ZYG11B: variants seen among roughly 807,000 people sequenced by gnomAD.
The protein encoded by ZYG11B is protein zyg-11 homolog B.
ZYG11B carries 36 observed loss-of-function variants against 82.4 expected under a neutral mutation model. The ratio of observed to expected loss-of-function variants is 0.44; its 90% confidence interval spans 0.33 to 0.58. The LOEUF (loss-of-function observed/expected upper bound fraction) is 0.58, where lower values mean the gene tolerates loss of function less well. Among genes scored for constraint, ZYG11B ranks in the 20% least tolerant of loss-of-function variants. The pLI, the probability that ZYG11B is intolerant of heterozygous loss-of-function variation, is 0.02. For synonymous variants in ZYG11B, 303 were observed against 312.8 expected, an observed-to-expected ratio of 0.97 and a Z score of 0.33; for missense variants, 552 against 895.6, an observed-to-expected ratio of 0.62 and a Z score of 4.90.
intron 5 of ZYG11B, among the ~76,000 whole-genome samples, chr1:52,787,841 C>A (rs1211006067): frequency 1.3e-5 from 2 of 150,330 alleles, no homozygotes. Context: ...GTTGGAAATG[C>A]AAATACTGTA....
chr1:52,751,264 C>T (rs954379586), intron 1 of ZYG11B, among the ~76,000 whole-genome samples: 1 of 150,782 alleles, frequency 6.6e-6, no homozygotes, highest in African/African-American at 2.4e-5. Context: ...ATCACGCCCA[C>T]CCCATCCCAC....
At chr1:52,747,945 T>A (rs530173820) in intron 1 of ZYG11B, among the ~76,000 whole-genome samples, 1 of 152,304 alleles carries the variant, frequency 6.6e-6, no homozygotes, top group Admixed American at 6.5e-5. Context: ...ATTTATAGAA[T>A]TCTTATGAGA....
intron 1 of ZYG11B, among the ~76,000 whole-genome samples, chr1:52,739,134 C>T (rs1355976480): frequency 6.6e-6 from 1 of 151,510 alleles, no homozygotes; most frequent in African/African-American, 2.4e-5. Flanking sequence ...TTACAGTTAC[C>T]CCTCACCACG....
At chr1:52,801,016 T>C (rs1645072033) in intron 8 of ZYG11B, among the ~76,000 whole-genome samples, 1 of 152,200 alleles carries the variant, frequency 6.6e-6, no homozygotes, top group South Asian at 2.1e-4. Context: ...TTATGTAGTT[T>C]TAAAACCACT....
At chr1:52,805,199 T>C (rs933107020) in intron 10 of ZYG11B, 1 of 268,528 alleles carries the variant, frequency 3.7e-6, no homozygotes, top group African/African-American at 2.2e-5. Context: ...GTATATATGC[T>C]GTCAAGTGAG....
chr1:52,747,090 G>A (rs1644484074), intron 1 of ZYG11B, among the ~76,000 whole-genome samples: 1 of 151,868 alleles, frequency 6.6e-6, no homozygotes, highest in East Asian at 1.9e-4. Flanking sequence ...TAGTATAGAA[G>A]TTCTACAAGA....
intron 2 of ZYG11B, among the ~76,000 whole-genome samples, chr1:52,770,145 G>A (rs535804496): frequency 6.8e-6 from 1 of 146,366 alleles, no homozygotes; most frequent in African/African-American, 2.5e-5. Context: ...AGGCTGGTGT[G>A]CAATGGTGCA....
At chr1:52,795,640 TCTTA>T (rs1399587121) in intron 6 of ZYG11B, among the ~76,000 whole-genome samples, 2 of 152,274 alleles carry the variant, frequency 1.3e-5, no homozygotes, top group East Asian at 3.9e-4. Context: ...TATGGTTCTT[TCTTA>T]CTTCCTCAAA....
intron 7 of ZYG11B, 134 bp downstream of exon 7, chr1:52,796,525 T>C (rs1239913241): frequency 8.6e-6 from 8 of 932,584 alleles, no homozygotes; most frequent in Non-Finnish European, 9.8e-6. Context: ...CTACATTCGA[T>C]ATTGCAGAAT....
rs1451390195 is a variant in ZYG11B at position 52,735,597 on chromosome 1, C to T, written c.30+8914C>T. Among the ~76,000 whole-genome samples the T allele has an allele frequency of 5.3e-5, 8 of 152,100 alleles. No individual in the cohort carries two copies. The East Asian group carries it at 1.2e-3, about 22-fold the overall frequency. ...TGCCACCCAGACTGGAGTGCAGTGG[C>T]GCGATCTCGGCTCACTGCAGCCTCC... On this transcript the variant is annotated intron_variant, in intron 1 of 13. Transcript: ENST00000294353.
In ZYG11B at chr1:52,774,609, A is replaced by AT. The variant is rs35043109; in HGVS notation, c.951+2861dup. The stretch of plus-strand genomic sequence containing the variant: ...GGCGTGAGCCACTGTGCCTGGCCTA[A>AT]TTTTTTTTTTTTTTTTTTTTTTTTT... On this transcript the variant is annotated intron_variant, in intron 3 of 13. Coordinates refer to ENST00000294353, the MANE Select transcript of ZYG11B (RefSeq NM_024646.3). Among the ~76,000 whole-genome samples the AT allele has an allele frequency of 5.7e-3, 630 of 111,104 alleles. 16 individuals carry two copies. Among genetic ancestry groups the AT allele is most frequent in the Middle Eastern group, 0.013 (2 of 158 alleles). The allele number at this position is 111,104 out of a possible 152,430, so 72.9% of individuals were successfully genotyped here.
Position 52,825,375 on chromosome 1 carries a change from C to G in ZYG11B, c.*3746C>G, listed in dbSNP as rs1298254184. On this transcript the variant is annotated 3_prime_UTR_variant, in exon 14 of 14. Transcript: ENST00000294353. ...ATTTTTAAAAAGCATATCAGACCCC[C>G]AGTTTCAGGAATTGAGTATAAATAT... The G allele has an allele frequency of 6.6e-6, 1 of 152,072 alleles. No homozygotes were observed. The highest frequency in any genetic ancestry group is 2.4e-5 in the African/African-American group (1 of 41,418). The allele number at this position is 152,072 out of a possible 1,614,324, so 9.4% of individuals were successfully genotyped here.
At chr1:52,797,468 T>TATTATATATGATATATAATATAA (rs1553262205) in intron 8 of ZYG11B, among the ~76,000 whole-genome samples, 1 of 110,562 alleles carries the variant, frequency 9.0e-6, no homozygotes, top group East Asian at 2.6e-4. Flanking sequence ...ATGATATATA[T>TATTATATATGATATATAATATAA]ATTATATATG....
At chr1:52,821,054 T>G (rs1007837734) in intron 13 of ZYG11B, among the ~76,000 whole-genome samples, 1 of 149,680 alleles carries the variant, frequency 6.7e-6, no homozygotes, top group African/African-American at 2.5e-5. Flanking sequence ...TGCGCCACTG[T>G]ACTCTGGCCT....
At chr1:52,817,586 A>T (rs1027546638) in intron 13 of ZYG11B, among the ~76,000 whole-genome samples, 1 of 150,044 alleles carries the variant, frequency 6.7e-6, no homozygotes, top group Non-Finnish European at 1.5e-5. Context: ...GGGTTTCATC[A>T]TGTTGGCCAG....
Position 52,784,937 on chromosome 1 carries a change from G to A in ZYG11B, c.1153G>A (p.Ala385Thr), listed in dbSNP as rs1644900839. The A allele has an allele frequency of 1.2e-6, 2 of 1,614,072 alleles. No individual in the cohort carries two copies. Among genetic ancestry groups the A allele is most frequent in the Non-Finnish European group, 1.7e-6 (2 of 1,180,014 alleles). The change falls in exon 5 of 14, where the codon GCC (alanine) becomes ACC (threonine). Residue 385 changes from alanine to threonine, a missense_variant. By Grantham distance (58) the Ala-to-Thr change is moderately conservative. Transcript: ENST00000294353. ...MNLPVQLAAS[A>T]CVFNLTKQDL... is the part of the protein sequence containing the mutation. ...TTTGCCAGTGCAACTGGCTGCAAGCGCCTGTGTATTTAACTTAACCAAGCA... is the reference window on the plus strand; with the variant it reads ...TTTGCCAGTGCAACTGGCTGCAAGCACCTGTGTATTTAACTTAACCAAGCA...
At chr1:52,783,860 GTATGTACATACACGTGTGTGTA>G (rs1156691044) in intron 4 of ZYG11B, among the ~76,000 whole-genome samples, 28 of 142,510 alleles carry the variant, frequency 2.0e-4, no homozygotes, top group East Asian at 1.7e-3. Flanking sequence ...ACGTGTGTGT[GTATGTACATACACGTGTGTGTA>G]TATGTACATA....
At chr1:52,746,561 A>G (rs1273895424) in intron 1 of ZYG11B, among the ~76,000 whole-genome samples, 2 of 151,966 alleles carry the variant, frequency 1.3e-5, no homozygotes, top group East Asian at 3.9e-4. Context: ...GCCAATTTAC[A>G]CTCCAACCAG....
intron 13 of ZYG11B, among the ~76,000 whole-genome samples, chr1:52,818,788 G>A (rs941993210): frequency 4.0e-5 from 6 of 149,850 alleles, no homozygotes; most frequent in South Asian, 2.1e-4. Context: ...TGAGATTTTC[G>A]CTTGGGTTTT....
Sources: allele counts gnomAD v4.1 joint callset (sites outside exome capture counted in the v4.1 genomes callset), GRCh38; gene constraint gnomAD v4.1.1; transcripts MANE v1.5; gene names NCBI Gene and HGNC (gene_info 2026-07-23, HGNC 2026-07-21).